CC2D2A: variants seen among roughly 807,000 people sequenced by gnomAD.
CC2D2A encodes the protein coiled-coil and C2 domain containing 2A, also known as coiled-coil and C2 domain-containing protein 2A.
Under a neutral mutation model 212.9 loss-of-function variants are expected in CC2D2A, and 155 were observed. The observed-to-expected ratio is 0.73, with a 90% CI of 0.64 to 0.83. The LOEUF (loss-of-function observed/expected upper bound fraction) is 0.83. Among genes scored for constraint, CC2D2A ranks in the 40% least tolerant of loss-of-function variants. The probability of loss-of-function intolerance (pLI) is 0.00; values close to 1 mark genes in which losing one functional copy is unlikely to be tolerated. For synonymous variants in CC2D2A, 667 were observed against 686.5 expected (o/e 0.97, Z 0.44); for missense variants, 1,856 against 1,956.2 (o/e 0.95, Z 0.97).
At chr4:15,552,011 T>C (rs1385574106) in intron 18 of CC2D2A, among the ~76,000 whole-genome samples, 11 of 152,226 alleles carry the variant, frequency 7.2e-5, no homozygotes. Context: ...AATGGATCTA[T>C]TAATAGCTCC....
chr4:15,558,422 C>T (rs1018711199), intron 21 of CC2D2A, among the ~76,000 whole-genome samples: 2 of 152,110 alleles, frequency 1.3e-5, no homozygotes, highest in Admixed American at 1.3e-4. Flanking sequence ...TATCTAAAAA[C>T]GTGTGAATGG....
At chr4:15,528,589 AAC>A in intron 12 of CC2D2A, 29 bp from the exon 13 acceptor site, 1 of 1,590,252 alleles carries the variant, frequency 6.3e-7, no homozygotes, top group Non-Finnish European at 8.6e-7. Flanking sequence ...TAGAGTTTGT[AAC>A]CCAAAACTTG....
chr4:15,527,746 A>AT, intron 12 of CC2D2A, 90 bp downstream of exon 12: 1 of 930,856 alleles, frequency 1.1e-6, no homozygotes, highest in Non-Finnish European at 1.6e-6. Context: ...CAAAATGTTC[A>AT]TGCCCCTCTT....
At chr4:15,598,658 T>C (rs1163014514) in intron 35 of CC2D2A, among the ~76,000 whole-genome samples, 1 of 152,184 alleles carries the variant, frequency 6.6e-6, no homozygotes, top group African/African-American at 2.4e-5. Context: ...TTCAATGATG[T>C]TGGTATTTTA....
chr4:15,531,789 A>G (rs1393496406), intron 13 of CC2D2A, among the ~76,000 whole-genome samples: 1 of 152,188 alleles, frequency 6.6e-6, no homozygotes, highest in Non-Finnish European at 1.5e-5. Flanking sequence ...ACTAAAAAAG[A>G]AAGTAGAAAA....
chr4:15,483,421 T>C (rs761276151), intron 4 of CC2D2A, among the ~76,000 whole-genome samples: 3 of 152,146 alleles, frequency 2.0e-5, no homozygotes, highest in African/African-American at 7.2e-5. Flanking sequence ...AAGAGCAAGA[T>C]AGAAGCAGCC....
intron 17 of CC2D2A, among the ~76,000 whole-genome samples, chr4:15,547,713 A>T (rs779758481): frequency 2.0e-5 from 3 of 152,174 alleles, no homozygotes; most frequent in Non-Finnish European, 4.4e-5. Context: ...CCCATTTCCT[A>T]ATTTTTAAAA....
chr4:15,477,460 A>AG (rs1714303547), intron 2 of CC2D2A, among the ~76,000 whole-genome samples: 1 of 152,218 alleles, frequency 6.6e-6, no homozygotes, highest in Non-Finnish European at 1.5e-5. Flanking sequence ...CTTACGTTCT[A>AG]TCTTATTTGA....
chr4:15,514,672 AT>A, intron 8 of CC2D2A, 34 bp from the exon 9 acceptor site: 1 of 1,444,162 alleles, frequency 6.9e-7, no homozygotes, highest in Non-Finnish European at 9.2e-7. Flanking sequence ...GAATCTTAGC[AT>A]GATTTTTTCT....
intron 26 of CC2D2A, among the ~76,000 whole-genome samples, chr4:15,568,382 G>A (rs953840690): frequency 5.3e-5 from 8 of 152,216 alleles, no homozygotes; most frequent in Non-Finnish European, 8.8e-5. Flanking sequence ...CTTAAGTCAG[G>A]CCGAGCATGG....
intron 4 of CC2D2A, among the ~76,000 whole-genome samples, chr4:15,487,561 A>G (rs1715064663): frequency 6.6e-6 from 1 of 152,050 alleles, no homozygotes; most frequent in South Asian, 2.1e-4. Flanking sequence ...TCTTATAGGT[A>G]GCATATAATT....
chr4:15,570,788 T>C lies in CC2D2A; in HGVS notation c.3594+292T>C, dbSNP rs1269181171. ...GGAGAATCGCTTGAACCAGGGAGGC[T>C]GAGGCAGGAGAACTGCTTGAACCAG... is the stretch of plus-strand genomic sequence containing the variant. On this transcript the variant is annotated intron_variant, in intron 28 of 36. Coordinates refer to ENST00000424120, the MANE Select transcript of CC2D2A (RefSeq NM_001378615.1). Among the ~76,000 whole-genome samples, 3 of 151,540 alleles carry C rather than the reference T, an allele frequency of 2.0e-5. No individual in the cohort carries two copies. The South Asian group carries it at 6.2e-4, about 31-fold the overall frequency.
intron 33 of CC2D2A, among the ~76,000 whole-genome samples, chr4:15,594,891 A>G (rs1274334299): frequency 6.6e-6 from 1 of 151,930 alleles, no homozygotes; most frequent in African/African-American, 2.4e-5. Flanking sequence ...GCCTTGAAAT[A>G]CTGGGCTGAA....
chr4:15,581,284 T>C (rs989676300), intron 30 of CC2D2A, among the ~76,000 whole-genome samples: 1 of 152,226 alleles, frequency 6.6e-6, no homozygotes, highest in African/African-American at 2.4e-5. Flanking sequence ...CTACCTAGCA[T>C]AGTAGATGTA....
intron 2 of CC2D2A, among the ~76,000 whole-genome samples, chr4:15,476,424 C>A (rs1714217850): frequency 6.6e-6 from 1 of 152,180 alleles, no homozygotes; most frequent in South Asian, 2.1e-4. Flanking sequence ...TATGTAAGAA[C>A]TCAAAGTACA....
rs890843272 is a variant in CC2D2A at position 15,469,904 on chromosome 4, A to C, written c.-172A>C. On this transcript the variant is annotated 5_prime_UTR_variant, in exon 1 of 37. Transcript: ENST00000424120. The stretch of plus-strand genomic sequence containing the variant: ...GCTAAGCTGGTGTTTTTGCTCCAAG[A>C]CATGGCTGCAGCTTCCCAGGGAGGA... 7.9e-5 allele frequency: 12 copies of C among 151,996 alleles called. No individual in the cohort carries two copies. Among genetic ancestry groups the C allele is most frequent in the Admixed American group, 4.6e-4 (7 of 15,282 alleles). 9.4% of individuals were successfully genotyped at this position (151,996 alleles called of 1,614,324 possible). A position where few individuals can be genotyped will look rare whatever the true frequency, so the allele number is the denominator to read the frequency against.
At chr4:15,553,123 T>C (rs775384189) in intron 18 of CC2D2A, 35 bp from the exon 19 acceptor site, 2 of 1,555,428 alleles carry the variant, frequency 1.3e-6, no homozygotes, top group Non-Finnish European at 8.6e-7. Flanking sequence ...TCCCTCTTTC[T>C]AAACAGCATC....
Position 15,599,615 on chromosome 4 carries a change from G to A in CC2D2A, c.4583G>A (p.Arg1528His), listed in dbSNP as rs886940102. ...AATAGGTATTGTACCTCTACTCTGC[G>A]TCACTTCTTGCCTCTGTTAGAAAAA... The part of the protein sequence containing the change: ...RWNRYCTSTL[R>H]HFLPLLEKSQ... The change falls in exon 36 of 37, where the codon CGT (arginine) becomes CAT (histidine). Residue 1528 changes from arginine (R) to histidine (H), a missense_variant. Transcript: ENST00000424120. 14 of 1,613,232 alleles carry A rather than the reference G, an allele frequency of 8.7e-6. No homozygotes were observed. Among genetic ancestry groups the A allele is most frequent in the Admixed American group, 5.0e-5 (3 of 59,964 alleles).
In CC2D2A at chr4:15,502,426, T is replaced by C; in HGVS notation, c.248-3T>C. ...TTGTTTTGTTTTTGTTTTTGTTTTT[T>C]AGGCTTACCTCCAATTCCTTCAACT... On this transcript the variant is annotated splice_polypyrimidine_tract_variant and splice_region_variant and intron_variant, in intron 4 of 36. Coordinates refer to ENST00000424120, the MANE Select transcript of CC2D2A (RefSeq NM_001378615.1). 1.9e-6 allele frequency: 3 copies of C among 1,590,448 alleles called. No individual in the cohort carries two copies. Among genetic ancestry groups the C allele is most frequent in the Non-Finnish European group, 2.6e-6 (3 of 1,173,010 alleles).
Sources: allele counts gnomAD v4.1 joint callset (sites outside exome capture counted in the v4.1 genomes callset), GRCh38; gene constraint gnomAD v4.1.1; transcripts MANE v1.5; gene names NCBI Gene and HGNC (gene_info 2026-07-23, HGNC 2026-07-21).